The following STXBP4 variants were observed in gnomAD, a reference collection of about 807,000 sequenced individuals.
The protein encoded by STXBP4 is syntaxin binding protein 4.
STXBP4 carries 55 observed loss-of-function variants against 76.1 expected under a neutral mutation model. The ratio of observed to expected loss-of-function variants is 0.72; its 90% CI spans 0.58 to 0.91. The LOEUF is 0.91. Ranked by LOEUF, STXBP4 falls within the 40% of genes least tolerant of loss-of-function variation. The probability of loss-of-function intolerance (pLI) is 0.00; values close to 1 mark genes in which losing one functional copy is unlikely to be tolerated. For synonymous variants in STXBP4, 201 were observed against 220.2 expected (o/e 0.91, Z 0.77); for missense variants, 618 against 636.9 (o/e 0.97, Z 0.32).
the STXBP4 span, among the ~76,000 whole-genome samples, chr17:55,199,139 T>G: frequency 6.6e-6 from 1 of 152,340 alleles, no homozygotes; most frequent in Middle Eastern, 3.4e-3. Flanking sequence ...GCCATGCTGT[T>G]TTAGGTCTAC....
chr17:55,038,089 A>G (rs1424928029), intron 10 of STXBP4, among the ~76,000 whole-genome samples: 2 of 152,072 alleles, frequency 1.3e-5, no homozygotes, highest in African/African-American at 4.8e-5. Context: ...GGCCTGGGTC[A>G]TTCTGTTAGG....
intron 16 of STXBP4, among the ~76,000 whole-genome samples, chr17:55,096,993 A>G (rs1249844107): frequency 6.6e-6 from 1 of 152,222 alleles, no homozygotes; most frequent in Non-Finnish European, 1.5e-5. Flanking sequence ...ATAAATAAAT[A>G]ATAAATCTTT....
rs185959479 is a variant in STXBP4 at position 55,144,954 on chromosome 17, T to G, written c.1547+3587T>G. Among the ~76,000 whole-genome samples the G allele has an allele frequency of 6.0e-3, 918 of 152,340 alleles. 6 individuals are homozygous for G. The highest frequency in any genetic ancestry group is 9.7e-3 in the Non-Finnish European group (658 of 68,020). On this transcript the variant is annotated intron_variant, in intron 17 of 17. Transcript: ENST00000376352. ...TCATAGGGTTCCTGTCCAGAATGAA[T>G]GAGCTTGTGTATTTAAAGAGCCTAT...
chr17:55,007,158 T>C (rs1417452706), intron 7 of STXBP4, among the ~76,000 whole-genome samples: 1 of 151,836 alleles, frequency 6.6e-6, no homozygotes, highest in African/African-American at 2.4e-5. Context: ...GCCAACATAG[T>C]GAAACCCTGT....
chr17:55,179,814 T>A, the STXBP4 span, among the ~76,000 whole-genome samples: 1 of 152,222 alleles, frequency 6.6e-6, no homozygotes, highest in South Asian at 2.1e-4. Flanking sequence ...AAATATGTGT[T>A]AATCAACTTT....
chr17:55,071,991 AG>A (rs1476028955), intron 12 of STXBP4, among the ~76,000 whole-genome samples: 1 of 152,208 alleles, frequency 6.6e-6, no homozygotes, highest in Non-Finnish European at 1.5e-5. Flanking sequence ...CCCAGTACCA[AG>A]GTACATTTTT....
At chr17:55,118,034 T>C (rs1270974674) in intron 16 of STXBP4, among the ~76,000 whole-genome samples, 5 of 152,092 alleles carry the variant, frequency 3.3e-5, no homozygotes, top group Non-Finnish European at 5.9e-5. Flanking sequence ...ACTACTTATT[T>C]ATTCAGCAAA....
intron 11 of STXBP4, chr17:55,044,805 A>G (rs561829579): frequency 2.0e-5 from 3 of 152,044 alleles, no homozygotes; most frequent in Admixed American, 6.6e-5. Flanking sequence ...TTTCACTTCT[A>G]TGTAAGTCAC....
intron 16 of STXBP4, among the ~76,000 whole-genome samples, chr17:55,105,473 T>C (rs113041130): frequency 1.5e-4 from 12 of 80,184 alleles, no homozygotes; most frequent in Admixed American, 6.1e-4. Flanking sequence ...CTTTTCTTTT[T>C]TTTTTTTTTT....
intron 4 of STXBP4, among the ~76,000 whole-genome samples, chr17:54,998,005 G>T (rs1398970585): frequency 6.6e-6 from 1 of 152,052 alleles, no homozygotes; most frequent in Non-Finnish European, 1.5e-5. Context: ...CACACTATTT[G>T]AGATATGTTT....
chr17:55,001,854 G>A (rs1239418095), intron 7 of STXBP4, among the ~76,000 whole-genome samples: 2 of 152,024 alleles, frequency 1.3e-5, no homozygotes, highest in East Asian at 3.9e-4. Flanking sequence ...GGATGGTCTC[G>A]ATCTCCTGAC....
chr17:55,189,400 A>G, the STXBP4 span, among the ~76,000 whole-genome samples: 8 of 152,180 alleles, frequency 5.3e-5, no homozygotes, highest in Admixed American at 4.6e-4. Flanking sequence ...AAGAGAGAGA[A>G]AGATGGATTT....
chr17:55,011,719 C>G (rs1456170517), intron 8 of STXBP4, among the ~76,000 whole-genome samples: 1 of 152,020 alleles, frequency 6.6e-6, no homozygotes, highest in African/African-American at 2.4e-5. Context: ...CTCTTTACTA[C>G]CTGATTCGTC....
intron 12 of STXBP4, among the ~76,000 whole-genome samples, chr17:55,049,988 A>G (rs1467539478): frequency 6.6e-6 from 1 of 152,122 alleles, no homozygotes; most frequent in Non-Finnish European, 1.5e-5. Context: ...AAATTTTCCA[A>G]ATTCTTTTCA....
chr17:54,993,097 G>A (rs1214184302), intron 4 of STXBP4, among the ~76,000 whole-genome samples: 1 of 152,196 alleles, frequency 6.6e-6, no homozygotes, highest in Non-Finnish European at 1.5e-5. Context: ...TAAGTTGATA[G>A]CGGTGGTGCT....
the STXBP4 span, among the ~76,000 whole-genome samples, chr17:55,197,769 A>G: frequency 4.6e-5 from 7 of 152,132 alleles, no homozygotes; most frequent in East Asian, 1.4e-3. Context: ...AAAAAAGAAA[A>G]AAGAAATTCA....
At chr17:55,031,131 T>C (rs766927585) in intron 8 of STXBP4, 37 bp from the exon 9 acceptor site, 3 of 1,504,960 alleles carry the variant, frequency 2.0e-6, no homozygotes, top group African/African-American at 1.4e-5. Context: ...CTTTGGAGAT[T>C]TGAAAAATTG....
intron 11 of STXBP4, among the ~76,000 whole-genome samples, chr17:55,046,705 T>C (rs1207224727): frequency 6.6e-6 from 1 of 151,980 alleles, no homozygotes; most frequent in Non-Finnish European, 1.5e-5. Flanking sequence ...CAGTCTCATA[T>C]GCCCTCTTTT....
chr17:55,117,861 AT>A (rs1298941092), intron 16 of STXBP4, among the ~76,000 whole-genome samples: 1 of 151,910 alleles, frequency 6.6e-6, no homozygotes, highest in African/African-American at 2.4e-5. Flanking sequence ...ACCAACAGAT[AT>A]TGATTGAGTA....
Sources: allele counts gnomAD v4.1 joint callset (sites outside exome capture counted in the v4.1 genomes callset), GRCh38; gene constraint gnomAD v4.1.1; transcripts MANE v1.5; gene names NCBI Gene and HGNC (gene_info 2026-07-23, HGNC 2026-07-21).